KALRN: variants seen among roughly 807,000 people sequenced by gnomAD.
KALRN encodes the protein kalirin.
In KALRN, 70 loss-of-function variants were observed where a neutral mutation model predicts 353.7. The observed-to-expected ratio is 0.20, with a 90% CI of 0.16 to 0.24. The LOEUF is 0.24. Among genes scored for constraint, KALRN ranks in the 10% least tolerant of loss-of-function variants. The pLI is 1.00. For synonymous variants in KALRN, 1,391 were observed against 1,434.8 expected (o/e 0.97, Z 0.69); for missense variants, 2,791 against 3,756.7 (o/e 0.74, Z 6.72).
intron 34 of KALRN, among the ~76,000 whole-genome samples, chr3:124,630,350 TGGGC>T (rs796370558): frequency 2.6e-4 from 40 of 152,152 alleles, no homozygotes; most frequent in African/African-American, 8.7e-4. Flanking sequence ...CCTAGAGAAC[TGGGC>T]GGGTGTAGAC....
intron 33 of KALRN, among the ~76,000 whole-genome samples, chr3:124,498,506 C>G (rs1025934652): frequency 1.3e-5 from 2 of 152,166 alleles, no homozygotes; most frequent in Non-Finnish European, 2.9e-5. Context: ...TCTCAGGAAA[C>G]TCCAGGATTA....
intron 9 of KALRN, among the ~76,000 whole-genome samples, chr3:124,343,969 C>G (rs535186462): frequency 1.3e-5 from 2 of 152,342 alleles, no homozygotes; most frequent in South Asian, 4.1e-4. Flanking sequence ...TGCTTCTCTG[C>G]TGCCTGACAA....
intron 33 of KALRN, among the ~76,000 whole-genome samples, chr3:124,509,358 A>G (rs1412510551): frequency 6.6e-6 from 1 of 152,122 alleles, no homozygotes; most frequent in African/African-American, 2.4e-5. Flanking sequence ...ACAGGTGCAC[A>G]CCACCACGCC....
chr3:124,294,470 A>G (rs1165978478), intron 5 of KALRN, among the ~76,000 whole-genome samples: 2 of 150,020 alleles, frequency 1.3e-5, no homozygotes, highest in Non-Finnish European at 3.0e-5. Flanking sequence ...GACATTTTGA[A>G]CTCTAAAGCA....
chr3:124,402,800 A>T (rs2091039462), intron 13 of KALRN, among the ~76,000 whole-genome samples: 2 of 152,226 alleles, frequency 1.3e-5, no homozygotes, highest in African/African-American at 4.8e-5. Flanking sequence ...CCATATTTCA[A>T]ATAGTCTTCT....
intron 42 of KALRN, among the ~76,000 whole-genome samples, chr3:124,658,989 G>C (rs2084460963): frequency 2.0e-5 from 3 of 152,204 alleles, no homozygotes; most frequent in Admixed American, 2.0e-4. Flanking sequence ...CTGAGTGTTT[G>C]GAGATCTAAG....
At chr3:124,205,790 A>C (rs2076362339) in intron 1 of KALRN, among the ~76,000 whole-genome samples, 1 of 152,176 alleles carries the variant, frequency 6.6e-6, no homozygotes, top group African/African-American at 2.4e-5. Flanking sequence ...TGTGTTTGTA[A>C]GAGGTGTGAG....
chr3:124,430,455 C>T (rs1300906715), intron 15 of KALRN, among the ~76,000 whole-genome samples: 1 of 152,142 alleles, frequency 6.6e-6, no homozygotes, highest in Non-Finnish European at 1.5e-5. Context: ...AAAGCAGGTA[C>T]ATAAAATAAG....
At chr3:124,707,286 C>T (rs1474348003) in intron 57 of KALRN, among the ~76,000 whole-genome samples, 3 of 152,002 alleles carry the variant, frequency 2.0e-5, no homozygotes, top group Non-Finnish European at 4.4e-5. Context: ...GAGATCGCAC[C>T]ACTGCATTCC....
At chr3:124,536,996 A>G (rs1198992705) in intron 33 of KALRN, among the ~76,000 whole-genome samples, 1 of 152,194 alleles carries the variant, frequency 6.6e-6, no homozygotes, top group South Asian at 2.1e-4. Flanking sequence ...AGCACTTTCC[A>G]TGTACTTCAG....
intron 25 of KALRN, among the ~76,000 whole-genome samples, chr3:124,465,816 G>C (rs145926041): frequency 6.6e-6 from 1 of 152,180 alleles, no homozygotes; most frequent in Non-Finnish European, 1.5e-5. Context: ...GCCTATGGGA[G>C]GGAGAGCAGG....
At chr3:124,598,279 T>G (rs2076453281) in intron 34 of KALRN, among the ~76,000 whole-genome samples, 1 of 152,220 alleles carries the variant, frequency 6.6e-6, no homozygotes, top group African/African-American at 2.4e-5. Flanking sequence ...AATCAAGGGC[T>G]ACTCCAATGG....
intron 34 of KALRN, among the ~76,000 whole-genome samples, chr3:124,618,282 T>C (rs951122267): frequency 1.3e-5 from 2 of 150,994 alleles, no homozygotes; most frequent in African/African-American, 2.4e-5. Flanking sequence ...GCTAATTTTT[T>C]TTTTTTGTAT....
chr3:124,242,004 C>T (rs2080513520), intron 3 of KALRN, among the ~76,000 whole-genome samples: 4 of 152,130 alleles, frequency 2.6e-5, no homozygotes, highest in Admixed American at 2.6e-4. Context: ...GGGAGAATGG[C>T]AGAGGATAGG....
intron 13 of KALRN, among the ~76,000 whole-genome samples, chr3:124,410,992 G>A (rs1446583954): frequency 1.3e-5 from 2 of 152,134 alleles, no homozygotes; most frequent in Non-Finnish European, 2.9e-5. Flanking sequence ...TGGCCTATAT[G>A]TACAATGATA....
rs763090490 is a variant in KALRN at position 124,666,490 on chromosome 3, A to G, written c.6387A>G (p.Thr2129=). The G allele has an allele frequency of 1.9e-6, 3 of 1,613,908 alleles. No individual in the cohort carries two copies. The highest frequency in any genetic ancestry group is 1.3e-5 in the African/African-American group (1 of 74,932). Residue 2129 remains threonine (T), a synonymous_variant, in exon 46 of 60, where the codon ACA becomes ACG. Transcript: ENST00000682506. ...AGGGGAAGCTGCTGCAGCAGGACAC[A>G]TTCTATGTGATCGAGCTGGATGCAG... ...TAQGKLLQQD[T]FYVIELDAGM...
intron 1 of KALRN, among the ~76,000 whole-genome samples, chr3:124,193,991 C>T (rs1478982311): frequency 6.6e-6 from 1 of 152,010 alleles, no homozygotes; most frequent in Non-Finnish European, 1.5e-5. Flanking sequence ...AAAGAGTGTT[C>T]CAACTAGGCT....
chr3:124,040,759 A>G (rs889073837), intron 1 of KALRN, among the ~76,000 whole-genome samples: 1 of 152,216 alleles, frequency 6.6e-6, no homozygotes, highest in Non-Finnish European at 1.5e-5. Flanking sequence ...TGGAGCATCT[A>G]GTGGTCTCTG....
intron 1 of KALRN, chr3:124,100,282 C>T (rs901453139): frequency 6.6e-6 from 1 of 152,098 alleles, no homozygotes; most frequent in Non-Finnish European, 1.5e-5. Context: ...GGATATCAGT[C>T]CCATGTTGGA....
Sources: gnomAD v4.1 joint callset for allele counts (sites outside exome capture counted in the v4.1 genomes callset) on GRCh38, gnomAD v4.1.1 for gene constraint, MANE v1.5 for transcripts, NCBI Gene and HGNC (gene_info 2026-07-23, HGNC 2026-07-21) for gene names.